The following DIAPH1 variants were observed in gnomAD, a reference collection of about 807,000 sequenced individuals.
DIAPH1 encodes diaphanous related formin 1, also known as protein diaphanous homolog 1.
A neutral mutation model predicts 140.7 loss-of-function variants in DIAPH1; 46 were observed. That is an observed-to-expected ratio of 0.33 (90% CI 0.26 to 0.42). DIAPH1 has a LOEUF of 0.42. Ranked by LOEUF, DIAPH1 falls within the 10% of genes least tolerant of loss-of-function variation. The probability of loss-of-function intolerance (pLI) is 1.00; values close to 1 mark genes in which losing one functional copy is unlikely to be tolerated. For synonymous variants in DIAPH1, 565 were observed against 551.6 expected (o/e 1.02, Z -0.34); for missense variants, 1,310 against 1,558.7 (o/e 0.84, Z 2.69).
intron 27 of DIAPH1, among the ~76,000 whole-genome samples, chr5:141,517,919 G>A (rs985217458): frequency 3.9e-5 from 6 of 152,212 alleles, no homozygotes; most frequent in Non-Finnish European, 7.3e-5. Flanking sequence ...CCCAGTATCT[G>A]CAGCAGGAAG....
intron 1 of DIAPH1, among the ~76,000 whole-genome samples, chr5:141,604,094 A>G (rs1431749723): frequency 2.6e-5 from 4 of 152,216 alleles, no homozygotes; most frequent in Non-Finnish European, 5.9e-5. Context: ...CAACAGAGAA[A>G]GTGCTCAGAG....
At chr5:141,583,013 T>C (rs2154596581) in intron 6 of DIAPH1, among the ~76,000 whole-genome samples, 193 bp downstream of exon 6, 1 of 152,308 alleles carries the variant, frequency 6.6e-6, no homozygotes, top group South Asian at 2.1e-4. Context: ...GAAATTTAAG[T>C]TCCTCCTCCC....
chr5:141,577,756 C>T (rs545219216), intron 11 of DIAPH1, among the ~76,000 whole-genome samples, 165 bp from the exon 12 acceptor site: 1 of 152,310 alleles, frequency 6.6e-6, no homozygotes, highest in South Asian at 2.1e-4. Context: ...CTTTCTAAAA[C>T]GTCCTTTAAG....
chr5:141,519,701 T>TCAC (rs2099886223), intron 27 of DIAPH1, among the ~76,000 whole-genome samples: 1 of 152,142 alleles, frequency 6.6e-6, no homozygotes, highest in Admixed American at 6.5e-5. Context: ...TGAAAGCCTA[T>TCAC]ACACCAGGGA....
At chr5:141,590,845 C>T (rs2099898285) in intron 1 of DIAPH1, among the ~76,000 whole-genome samples, 1 of 151,948 alleles carries the variant, frequency 6.6e-6, no homozygotes, top group Non-Finnish European at 1.5e-5. Flanking sequence ...TACCTAAGTT[C>T]ACACCATTAT....
chr5:141,606,789 T>G (rs1056763917), intron 1 of DIAPH1, among the ~76,000 whole-genome samples: 1 of 152,298 alleles, frequency 6.6e-6, no homozygotes, highest in South Asian at 2.1e-4. Flanking sequence ...CAGAGATGAA[T>G]AATAATCTCT....
chr5:141,551,655 T>A (rs2099891704), intron 18 of DIAPH1, among the ~76,000 whole-genome samples: 1 of 152,122 alleles, frequency 6.6e-6, no homozygotes, highest in African/African-American at 2.4e-5. Flanking sequence ...ATTATGTCAA[T>A]ATAAAAAAAT....
In DIAPH1 at chr5:141,596,755, G is replaced by A. The variant is rs551761867; in HGVS notation, c.118-8505C>T. ...CAACCAGCTTTCAAATCCTACCCAC[G>A]CACCTAGAGTTTCCAATCTGCTTTG... On this transcript the variant is annotated intron_variant, in intron 1 of 27. Transcript: ENST00000389054. 2.0e-5 allele frequency among the ~76,000 whole-genome samples: 3 copies of A among 152,196 alleles called. No individual in the cohort carries two copies. The East Asian group carries it at 5.8e-4, about 29-fold the overall frequency.
intron 3 of DIAPH1, 47 bp downstream of exon 3, chr5:141,586,995 C>T: frequency 6.2e-7 from 1 of 1,603,160 alleles, no homozygotes; most frequent in Non-Finnish European, 8.5e-7. Flanking sequence ...CCCACCATGT[C>T]CATAAATGCA....
At chr5:141,576,469 G>A (rs1006498999) in intron 13 of DIAPH1, among the ~76,000 whole-genome samples, 175 bp from the exon 14 acceptor site, 4 of 152,166 alleles carry the variant, frequency 2.6e-5, no homozygotes, top group East Asian at 1.9e-4. Context: ...CTGAGTGTGC[G>A]GTAAGGCCAC....
intron 4 of DIAPH1, 91 bp downstream of exon 4, chr5:141,584,033 C>T: frequency 1.3e-6 from 1 of 754,840 alleles, no homozygotes; most frequent in Non-Finnish European, 2.4e-6. Context: ...TTGATGCAGA[C>T]ATAAAATGTT....
intron 7 of DIAPH1, 57 bp downstream of exon 7, chr5:141,582,255 G>T: frequency 7.6e-7 from 1 of 1,313,498 alleles, no homozygotes; most frequent in Non-Finnish European, 1.1e-6. Context: ...TTTGCCAATA[G>T]AAGAGAAAGA....
chr5:141,552,170 T>C (rs1425713302), intron 18 of DIAPH1, among the ~76,000 whole-genome samples: 4 of 152,028 alleles, frequency 2.6e-5, no homozygotes, highest in African/African-American at 7.2e-5. Flanking sequence ...GTAGGCTCAG[T>C]ATAATCACAA....
chr5:141,529,085 G>T (rs560480509), intron 21 of DIAPH1, 87 bp downstream of exon 21: 3 of 1,550,012 alleles, frequency 1.9e-6, no homozygotes, highest in African/African-American at 1.4e-5. Context: ...ACAGACAAGC[G>T]GCAAGGAGCA....
intron 13 of DIAPH1, 86 bp downstream of exon 13, chr5:141,576,670 T>C: frequency 2.1e-6 from 2 of 966,800 alleles, no homozygotes; most frequent in East Asian, 2.4e-5. Context: ...TGGAAAGGTA[T>C]CTTCTCTGAC....
intron 18 of DIAPH1, among the ~76,000 whole-genome samples, chr5:141,562,291 G>A (rs542079566): frequency 1.1e-4 from 17 of 151,668 alleles, no homozygotes; most frequent in African/African-American, 3.9e-4. Flanking sequence ...TAAAAGTAAT[G>A]CCTGCTTATT....
intron 1 of DIAPH1, among the ~76,000 whole-genome samples, chr5:141,617,633 G>A (rs1424578420): frequency 1.3e-5 from 2 of 152,178 alleles, no homozygotes; most frequent in African/African-American, 4.8e-5. Flanking sequence ...TAAATACCTG[G>A]AAGAGAAGAC....
chr5:141,516,729 C>T lies in DIAPH1; in HGVS notation c.*122G>A. The stretch of plus-strand genomic sequence containing the variant: ...GAGAGCAGCAGGCCAGAGAGAAAGA[C>T]AGGGTCAGGGTGGTGGGAGTGGCCA... On this transcript the variant is annotated 3_prime_UTR_variant, in exon 28 of 28. Transcript: ENST00000389054. The T allele has an allele frequency of 9.5e-7, 1 of 1,048,486 alleles. No homozygotes were observed. Among genetic ancestry groups the T allele is most frequent in the Non-Finnish European group, 1.4e-6 (1 of 693,566 alleles). The allele number at this position is 1,048,486 out of a possible 1,614,324, so 64.9% of individuals were successfully genotyped here. A position where few individuals can be genotyped will look rare whatever the true frequency, so the allele number is the denominator to read the frequency against.
intron 18 of DIAPH1, among the ~76,000 whole-genome samples, chr5:141,553,449 G>A (rs1415701751): frequency 6.6e-6 from 1 of 152,110 alleles, no homozygotes; most frequent in Non-Finnish European, 1.5e-5. Context: ...AGACCGGCCT[G>A]CCCAACATGG....
Sources: allele counts gnomAD v4.1 joint callset (sites outside exome capture counted in the v4.1 genomes callset), GRCh38; gene constraint gnomAD v4.1.1; transcripts MANE v1.5; gene names NCBI Gene and HGNC (gene_info 2026-07-23, HGNC 2026-07-21).